ZNF514: variants seen among roughly 807,000 people sequenced by gnomAD.
ZNF514 encodes the protein zinc finger protein 514.
A neutral mutation model predicts 9.7 loss-of-function variants in ZNF514; 12 were observed. That is an observed-to-expected ratio of 1.24 (90% CI 0.79 to 2.01). The LOEUF (loss-of-function observed/expected upper bound fraction) is 2.01. Among genes scored for constraint, ZNF514 ranks in the 30% most tolerant of loss-of-function variants. The pLI, the probability that ZNF514 is intolerant of heterozygous loss-of-function variation, is 0.00. For synonymous variants in ZNF514, 158 were observed against 163.7 expected (o/e 0.97, Z 0.27); for missense variants, 467 against 465.5 (o/e 1.00, Z -0.03).
rs761348025 is a variant in ZNF514 at position 95,149,814 on chromosome 2, C to A, written c.671G>T (p.Arg224Leu). 1 of 1,614,226 alleles carries A rather than the reference C, an allele frequency of 6.2e-7. No homozygotes were observed. The highest frequency in any genetic ancestry group is 1.7e-5 in the Admixed American group (1 of 60,022). The change falls in exon 5 of 5, where the codon CGA becomes CTA. Residue 224 changes from arginine (R) to leucine (L), a missense_variant. Arg to Leu is a moderately radical substitution (Grantham distance 102). Coordinates refer to ENST00000295208, the MANE Select transcript of ZNF514 (RefSeq NM_032788.3). ...ATACGGCTTTTCTCCAGTGTGACAT[C>A]GCTGATGGCGCCTAAGTTCTGACTG... ...HFQSELRRHQ[R>L]CHTGEKPYEC...
the ZNF514 span, among the ~76,000 whole-genome samples, chr2:95,139,972 T>C: frequency 1.3e-5 from 2 of 151,970 alleles, no homozygotes; most frequent in Non-Finnish European, 2.9e-5. Context: ...TGAGTTCATG[T>C]CATTTGCAGG....
intron 1 of ZNF514, among the ~76,000 whole-genome samples, chr2:95,158,515 C>G (rs1020666209): frequency 3.3e-5 from 5 of 152,252 alleles, no homozygotes; most frequent in African/African-American, 1.2e-4. Flanking sequence ...ACCATGTACA[C>G]TGCTGACCTT....
At chr2:95,150,507 A>G (rs1673509420) in intron 4 of ZNF514, among the ~76,000 whole-genome samples, 5 of 152,208 alleles carry the variant, frequency 3.3e-5, no homozygotes. Flanking sequence ...TTTAGATTCC[A>G]GTACACAAGG....
chr2:95,155,084 C>A (rs1410472305), intron 2 of ZNF514: 2 of 152,174 alleles, frequency 1.3e-5, no homozygotes, highest in African/African-American at 4.8e-5. Context: ...CAACTGGAAA[C>A]AAATTCATAA....
chr2:95,156,300 A>T (rs1311293972), intron 2 of ZNF514, among the ~76,000 whole-genome samples: 1 of 152,152 alleles, frequency 6.6e-6, no homozygotes, highest in Non-Finnish European at 1.5e-5. Flanking sequence ...ACAAACCTGA[A>T]TCCCCCCTGA....
chr2:95,158,656 T>C (rs1296428571), intron 1 of ZNF514, among the ~76,000 whole-genome samples: 1 of 152,250 alleles, frequency 6.6e-6, no homozygotes. Context: ...TGGGTTTGCT[T>C]GCCCTCTCCC....
rs1433880173 is a variant in ZNF514 at position 95,148,289 on chromosome 2, T to C, written c.*993A>G. 2 of 152,218 alleles carry C rather than the reference T, an allele frequency of 1.3e-5. No homozygotes were observed. The highest frequency in any genetic ancestry group is 2.9e-5 in the Non-Finnish European group (2 of 68,040). 9.4% of individuals were successfully genotyped at this position (152,218 alleles called of 1,614,324 possible). ...TCTACCTTTCTCAGCCTCCATCCTC[T>C]GCACCCATGCATGACACCCTGCCCC... On this transcript the variant is annotated 3_prime_UTR_variant, in exon 5 of 5. Transcript: ENST00000295208.
At position 95,145,305 on chromosome 2, in the gene ZNF514, C is replaced by A. The variant is rs1673332590; in HGVS notation, c.*3977G>T. Reference sequence around the variant, plus strand: ...TACCTTCCTCTCTTTGGAATTCAGGCACAGTGGACCAGCATTAACATTAAA... The same window carrying A: ...TACCTTCCTCTCTTTGGAATTCAGGAACAGTGGACCAGCATTAACATTAAA... On this transcript the variant is annotated 3_prime_UTR_variant, in exon 5 of 5. Transcript: ENST00000295208. 1.3e-5 allele frequency among the ~76,000 whole-genome samples: 2 copies of A among 152,164 alleles called. No homozygotes were observed.
the ZNF514 span, among the ~76,000 whole-genome samples, chr2:95,128,786 AGAG>A: frequency 2.7e-4 from 40 of 149,856 alleles, no homozygotes; most frequent in Admixed American, 1.2e-3. Flanking sequence ...AGGAGGAGGA[AGAG>A]GAGGAGGAGG....
intron 3 of ZNF514, 102 bp downstream of exon 3, chr2:95,153,031 C>T: frequency 5.4e-6 from 8 of 1,479,390 alleles, no homozygotes; most frequent in Non-Finnish European, 7.3e-6. Flanking sequence ...CCCAAGGAAA[C>T]CCAGGGCCAA....
chr2:95,154,754 TCATTTCCAACTGGC>T (rs1293914238), intron 2 of ZNF514: 1 of 152,240 alleles, frequency 6.6e-6, no homozygotes, highest in Non-Finnish European at 1.5e-5. Flanking sequence ...CAACCAATTC[TCATTTCCAACTGGC>T]CAAAGACAAT....
At chr2:95,153,913 T>C (rs1349914364) in intron 2 of ZNF514, 3 of 152,236 alleles carry the variant, frequency 2.0e-5, no homozygotes, top group African/African-American at 7.2e-5. Flanking sequence ...CAAATTCCTG[T>C]TACTTTTACA....
rs1183313510 is a variant in ZNF514, at chr2:95,159,579, G to A, written c.-435C>T. 10 of 150,370 alleles carry A rather than the reference G, an allele frequency of 6.7e-5. No individual in the cohort carries two copies. The highest frequency in any genetic ancestry group is 2.4e-4 in the African/African-American group (10 of 41,010). 9.3% of individuals were successfully genotyped at this position (150,370 alleles called of 1,614,324 possible). ...CGCCCGCAGTCTCCGAACGCTCACA[G>A]GACCAGGCCCCGCCCGCCACCCCGC... On this transcript the variant is annotated 5_prime_UTR_variant, in exon 1 of 5. Coordinates refer to ENST00000295208, the MANE Select transcript of ZNF514 (RefSeq NM_032788.3).
downstream of ZNF514, among the ~76,000 whole-genome samples, chr2:95,144,315 A>G (rs531966060): frequency 3.5e-4 from 54 of 152,336 alleles, no homozygotes; most frequent in African/African-American, 1.2e-3. Context: ...TGGTCATGCC[A>G]GAAATACCAA....
In ZNF514 at chr2:95,148,238, C is replaced by A. The variant is rs1389849065; in HGVS notation, c.*1044G>T. ...CATCAGTTTTATTAGCTCTAAAATA[C>A]GACTGGGCTAGATCATGGGTAGCTG... On this transcript the variant is annotated 3_prime_UTR_variant, in exon 5 of 5. Transcript: ENST00000295208. 6.6e-6 allele frequency: 1 copy of A among 152,172 alleles called. No individual in the cohort carries two copies. Among genetic ancestry groups the A allele is most frequent in the Non-Finnish European group, 1.5e-5 (1 of 68,040 alleles). The allele number at this position is 152,172 out of a possible 1,614,324, so 9.4% of individuals were successfully genotyped here. A position where few individuals can be genotyped will look rare whatever the true frequency, so the allele number is the denominator to read the frequency against.
chr2:95,150,706 T>A (rs566797251), intron 4 of ZNF514, among the ~76,000 whole-genome samples: 1 of 152,360 alleles, frequency 6.6e-6, no homozygotes, highest in Non-Finnish European at 1.5e-5. Context: ...TCTTCCTACC[T>A]CCAGGTTTCC....
Position 95,146,725 on chromosome 2 carries a change from A to C in ZNF514, c.*2557T>G, listed in dbSNP as rs1270965230. Among the ~76,000 whole-genome samples the C allele has an allele frequency of 2.0e-5, 3 of 151,540 alleles. No individual in the cohort carries two copies. The highest frequency in any genetic ancestry group is 4.2e-4 in the South Asian group (2 of 4,770). ...TATGGCAAGGATACATGAGAAGAGG[A>C]GACAGATTTTGGACGAAGACCAGTT... On this transcript the variant is annotated 3_prime_UTR_variant, in exon 5 of 5. Coordinates refer to ENST00000295208, the MANE Select transcript of ZNF514 (RefSeq NM_032788.3).
Position 95,149,785 on chromosome 2 carries a change from A to G in ZNF514, c.700T>C (p.Cys234Arg). ...CCAAAGGCTCTTCCACAGTCACTGC[A>G]TTCATACGGCTTTTCTCCAGTGTGA... ...RCHTGEKPYE[C>R]SDCGRAFGHI... is the part of the protein sequence containing the mutation. Residue 234 changes from cysteine to arginine, a missense_variant, in exon 5 of 5, where the codon TGC becomes CGC. Coordinates refer to ENST00000295208, the MANE Select transcript of ZNF514 (RefSeq NM_032788.3). 1 of 1,614,244 alleles carries G rather than the reference A, an allele frequency of 6.2e-7. No homozygotes were observed. Among genetic ancestry groups the G allele is most frequent in the East Asian group, 2.2e-5 (1 of 44,890 alleles).
At chr2:95,138,538 A>G in the ZNF514 span, among the ~76,000 whole-genome samples, 2 of 152,206 alleles carry the variant, frequency 1.3e-5, no homozygotes, top group Non-Finnish European at 2.9e-5. Context: ...GTGATGATTT[A>G]AGGTGTCTGC....
Sources: gnomAD v4.1 joint callset for allele counts (sites outside exome capture counted in the v4.1 genomes callset) on GRCh38, gnomAD v4.1.1 for gene constraint, MANE v1.5 for transcripts, NCBI Gene and HGNC (gene_info 2026-07-23, HGNC 2026-07-21) for gene names.